PCDHA10: variants seen among roughly 807,000 people sequenced by gnomAD.
PCDHA10 encodes protocadherin alpha 10, also known as protocadherin alpha-10.
PCDHA10 carries 45 observed loss-of-function variants against 61.2 expected under a neutral mutation model. That is an observed-to-expected ratio of 0.74 (90% CI 0.58 to 0.94). The LOEUF is 0.94. PCDHA10 is among the 40% of genes least tolerant of loss of function. PCDHA10 has a pLI of 0.00. For synonymous variants in PCDHA10, 602 were observed against 548.8 expected (o/e 1.10, Z -1.35); for missense variants, 1,278 against 1,236.2 (o/e 1.03, Z -0.51).
intron 1 of PCDHA10, chr5:140,883,163 A>C: frequency 6.2e-7 from 1 of 1,614,068 alleles, no homozygotes; most frequent in South Asian, 1.1e-5. Context: ...AAATCCGAAC[A>C]ATGGAGAAAT....
intron 2 of PCDHA10, among the ~76,000 whole-genome samples, chr5:140,980,990 G>T (rs1344931215): frequency 6.6e-6 from 1 of 152,116 alleles, no homozygotes. Flanking sequence ...CACACAATTT[G>T]CTAGTAGGAT....
At chr5:140,950,429 T>TGTA (rs1554219455) in intron 1 of PCDHA10, among the ~76,000 whole-genome samples, 5 of 151,900 alleles carry the variant, frequency 3.3e-5, no homozygotes, top group African/African-American at 1.2e-4. Flanking sequence ...TTCTTCCACT[T>TGTA]AAAAAAAATG....
At chr5:140,883,744 C>T (rs782708384) in intron 1 of PCDHA10, 1 of 1,613,374 alleles carries the variant, frequency 6.2e-7, no homozygotes, top group South Asian at 1.1e-5. Flanking sequence ...TGGTCTCCTA[C>T]TCGCTGGTGG....
chr5:140,858,104 G>T lies in PCDHA10; in HGVS notation c.2056G>T (p.Ala686Ser). The change falls in exon 1 of 4, where the codon GCG (alanine) becomes TCG (serine). Residue 686 changes from alanine (A) to serine (S), a missense_variant. Physicochemically the swap from Ala to Ser is moderately conservative, Grantham distance 99. Coordinates refer to ENST00000307360, the MANE Select transcript of PCDHA10 (RefSeq NM_018901.4). Reference protein sequence around the residue: ...KASSRASVGVAPEVALVDVNV... With the variant: ...KASSRASVGVSPEVALVDVNV... Reference sequence around the variant, plus strand: ...CTCGTCGCGGGCTTCAGTGGGCGTGGCGCCCGAGGTGGCCCTGGTGGATGT... The same window carrying T: ...CTCGTCGCGGGCTTCAGTGGGCGTGTCGCCCGAGGTGGCCCTGGTGGATGT... The T allele has an allele frequency of 6.3e-7, 1 of 1,597,736 alleles. No individual in the cohort carries two copies. The highest frequency in any genetic ancestry group is 8.6e-7 in the Non-Finnish European group (1 of 1,167,648).
intron 1 of PCDHA10, among the ~76,000 whole-genome samples, chr5:140,950,992 G>A (rs2094539287): frequency 6.6e-6 from 1 of 151,384 alleles, no homozygotes; most frequent in Admixed American, 6.6e-5. Flanking sequence ...GCCTCTTTTA[G>A]CTCCATTTTT....
intron 1 of PCDHA10, among the ~76,000 whole-genome samples, chr5:140,969,908 TG>T (rs2096368267): frequency 6.6e-6 from 1 of 152,184 alleles, no homozygotes; most frequent in Non-Finnish European, 1.5e-5. Flanking sequence ...ATGTCACAAG[TG>T]ATAAAGCTGT....
At chr5:140,893,011 T>C (rs1194599055) in intron 1 of PCDHA10, among the ~76,000 whole-genome samples, 1 of 152,234 alleles carries the variant, frequency 6.6e-6, no homozygotes, top group Non-Finnish European at 1.5e-5. Flanking sequence ...TATTTTTCTG[T>C]GCCTGACTTA....
chr5:140,862,757 GC>G (rs1554156930), intron 1 of PCDHA10: 4 of 579,248 alleles, frequency 6.9e-6, no homozygotes, highest in African/African-American at 1.9e-5. Flanking sequence ...GCGGAGAGCG[GC>G]AAGAGGTACG....
chr5:140,906,662 G>A (rs1186000828), intron 1 of PCDHA10, among the ~76,000 whole-genome samples: 1 of 152,200 alleles, frequency 6.6e-6, no homozygotes, highest in Non-Finnish European at 1.5e-5. Context: ...TCCTGGTGTA[G>A]TGACCCAAAC....
intron 1 of PCDHA10, chr5:140,969,021 C>T (rs2096289420): frequency 8.1e-6 from 13 of 1,614,146 alleles, no homozygotes; most frequent in Non-Finnish European, 1.1e-5. Context: ...AGGGAAAGGT[C>T]CCCTGCAGAA....
chr5:140,860,471 C>T (rs566732753), intron 1 of PCDHA10: 1 of 152,040 alleles, frequency 6.6e-6, no homozygotes, highest in Admixed American at 6.6e-5. Context: ...ACAGTTGGTG[C>T]AGTAGTACTT....
Position 140,927,496 on chromosome 5 carries a change from G to C in PCDHA10, c.2389-51453G>C, listed in dbSNP as rs1206944698. On this transcript the variant is annotated intron_variant, in intron 1 of 3. Transcript: ENST00000307360. ...CGAACAGCGCGCCACCCACCTGCTG[G>C]TGCTTACAGCTCGGGACGGCGGGCT... The C allele has an allele frequency of 3.7e-6, 6 of 1,614,026 alleles. No homozygotes were observed. The highest frequency in any genetic ancestry group is 5.1e-6 in the Non-Finnish European group (6 of 1,180,054).
At chr5:140,862,361 ACCC>A in intron 1 of PCDHA10, 2 of 339,278 alleles carry the variant, frequency 5.9e-6, no homozygotes, top group South Asian at 4.8e-5. Context: ...GGGACAGACG[ACCC>A]GCACCCTGAC....
intron 1 of PCDHA10, chr5:140,928,805 T>C (rs1554206331): frequency 6.2e-7 from 1 of 1,614,162 alleles, no homozygotes. Context: ...GTGGTAGTGG[T>C]TCGGGACCAT....
intron 3 of PCDHA10, among the ~76,000 whole-genome samples, chr5:140,984,886 C>A (rs1254649508): frequency 1.3e-5 from 2 of 151,720 alleles, no homozygotes; most frequent in Non-Finnish European, 2.9e-5. Context: ...ACCATGAGAA[C>A]TAAAGGAGAA....
rs368579908 is a variant in PCDHA10 at position 140,858,100 on chromosome 5, C to A, written c.2052C>A (p.Gly684=). Residue 684 remains glycine (G), a synonymous_variant, in exon 1 of 4, where the codon GGC becomes GGA. Transcript: ENST00000307360. ...AGGCCTCGTCGCGGGCTTCAGTGGGCGTGGCGCCCGAGGTGGCCCTGGTGG... is the reference window on the plus strand; with the variant it reads ...AGGCCTCGTCGCGGGCTTCAGTGGGAGTGGCGCCCGAGGTGGCCCTGGTGG... ...APKASSRASV[G]VAPEVALVDV... The A allele has an allele frequency of 1.9e-6, 3 of 1,597,702 alleles. No individual in the cohort carries two copies. The highest frequency in any genetic ancestry group is 1.1e-5 in the South Asian group (1 of 90,548).
chr5:140,951,543 C>CG (rs1201907714), intron 1 of PCDHA10, among the ~76,000 whole-genome samples: 2 of 151,428 alleles, frequency 1.3e-5, no homozygotes. Flanking sequence ...GAGCAAGGGA[C>CG]GGGGGGAAGT....
chr5:140,862,716 G>T, intron 1 of PCDHA10: 3 of 564,370 alleles, frequency 5.3e-6, no homozygotes, highest in Non-Finnish European at 1.0e-5. Flanking sequence ...GGGTGGGCGA[G>T]TGCGCGCTGT....
At chr5:140,947,147 C>A (rs1025959771) in intron 1 of PCDHA10, among the ~76,000 whole-genome samples, 1 of 151,270 alleles carries the variant, frequency 6.6e-6, no homozygotes, top group African/African-American at 2.4e-5. Flanking sequence ...TGTATAGTTA[C>A]TTCCACGGGG....
Sources: gnomAD v4.1 joint callset for allele counts (sites outside exome capture counted in the v4.1 genomes callset) on GRCh38, gnomAD v4.1.1 for gene constraint, MANE v1.5 for transcripts, NCBI Gene and HGNC (gene_info 2026-07-23, HGNC 2026-07-21) for gene names.